Variants in AQP1 observed in about 807,000 individuals in gnomAD.
AQP1 encodes aquaporin-1.
A neutral mutation model predicts 19.7 loss-of-function variants in AQP1; 11 were observed. The ratio of observed to expected loss-of-function variants is 0.56; its 90% confidence interval spans 0.35 to 0.92. The LOEUF (loss-of-function observed/expected upper bound fraction) is 0.92. Ranked by LOEUF, AQP1 falls within the 40% of genes least tolerant of loss-of-function variation. The pLI is 0.01. For synonymous variants in AQP1, 159 were observed against 166.7 expected (o/e 0.95, Z 0.36); for missense variants, 320 against 369.7 (o/e 0.87, Z 1.10).
chr7:30,923,382 G>A lies in AQP1; in HGVS notation c.631-68G>A. On this transcript the variant is annotated intron_variant, in intron 3 of 3. Transcript: ENST00000311813. The surrounding 1 kb of genome is among the most constrained non-coding windows in gnomAD (Gnocchi z 4.8). ...GTCCAACGGGGTGGTGGGCTGTGGG[G>A]TAACCTAGGGAACGCTTCCCAGGGG... is the stretch of plus-strand genomic sequence containing the variant. 1 of 1,609,226 alleles carries A rather than the reference G, an allele frequency of 6.2e-7. No individual in the cohort carries two copies. The highest frequency in any genetic ancestry group is 8.5e-7 in the Non-Finnish European group (1 of 1,178,068).
Position 30,922,223 on chromosome 7 carries a change from T to A in AQP1, c.542T>A (p.Leu181His). The A allele has an allele frequency of 6.3e-7, 1 of 1,588,318 alleles. No homozygotes were observed. Among genetic ancestry groups the A allele is most frequent in the Non-Finnish European group, 8.5e-7 (1 of 1,171,026 alleles). The change falls in exon 2 of 4, where the codon CTC becomes CAC. Residue 181 changes from leucine to histidine, a missense_variant. Leu to His is a moderately conservative substitution (Grantham distance 99). Transcript: ENST00000311813. ...GGCCTCTCTGTAGCCCTTGGACACC[T>A]CCTGGCTGTGAGTCAGGGGCCCTCC... ...AIGLSVALGH[L>H]LAIDYTGCGI... is the part of the protein sequence containing the mutation.
chr7:30,916,844 TA>T (rs1391825306), intron 1 of AQP1, among the ~76,000 whole-genome samples: 2 of 151,946 alleles, frequency 1.3e-5, no homozygotes, highest in Non-Finnish European at 2.9e-5. Flanking sequence ...TCCCTGCCAT[TA>T]GGGGTGTGCA....
intron 1 of AQP1, chr7:30,921,233 G>C (rs914738635): frequency 1.2e-5 from 13 of 1,117,470 alleles, no homozygotes; most frequent in Non-Finnish European, 1.4e-5. Flanking sequence ...GGGGGCAGCT[G>C]CATGGGGAGG....
intron 2 of AQP1, 147 bp from the exon 3 acceptor site, chr7:30,922,417 G>C (rs1195473663): frequency 7.8e-7 from 1 of 1,280,670 alleles, no homozygotes; most frequent in African/African-American, 1.5e-5. Flanking sequence ...CTCCTGCCCA[G>C]CTTGGGGTCA....
rs1308448195 is a variant in AQP1 at position 30,923,942 on chromosome 7, G to A, written c.*313G>A. 4 of 1,427,460 alleles carry A rather than the reference G, an allele frequency of 2.8e-6. No individual in the cohort carries two copies. The highest frequency in any genetic ancestry group is 7.0e-5 in the East Asian group (2 of 28,506). The allele number at this position is 1,427,460 out of a possible 1,614,324, so 88.4% of individuals were successfully genotyped here. The stretch of plus-strand genomic sequence containing the variant: ...TCAGAGCATGATGGGAGGTGTGCCA[G>A]AAAGTCCCCCCTCGCCCCAAAGTTG... On this transcript the variant is annotated 3_prime_UTR_variant, in exon 4 of 4. Transcript: ENST00000311813. The surrounding 1 kb of genome is among the most constrained non-coding windows in gnomAD (Gnocchi z 4.8).
In AQP1 at chr7:30,912,876, T is replaced by A. The variant is rs1182816753; in HGVS notation, c.384+583T>A. On this transcript the variant is annotated intron_variant, in intron 1 of 3. Coordinates refer to ENST00000311813, the MANE Select transcript of AQP1 (RefSeq NM_198098.4). The surrounding 1 kb of genome is among the most constrained non-coding windows in gnomAD (Gnocchi z 4.3). ...GACAAAGATAAGGGAGTGAAAACAC[T>A]CTCTGGGGCTGTTTGAAGGCAGTTT... Among the ~76,000 whole-genome samples the A allele has an allele frequency of 6.6e-6, 1 of 152,086 alleles. No homozygotes were observed. Among genetic ancestry groups the A allele is most frequent in the Non-Finnish European group, 1.5e-5 (1 of 68,014 alleles).
intron 1 of AQP1, among the ~76,000 whole-genome samples, chr7:30,916,215 T>G (rs1489233911): frequency 6.6e-6 from 1 of 152,202 alleles, no homozygotes; most frequent in Non-Finnish European, 1.5e-5. Context: ...GATACCTGTC[T>G]GAGGGGCTCA....
In AQP1 at chr7:30,923,722, A is replaced by C; in HGVS notation, c.*93A>C. The C allele has an allele frequency of 6.6e-7, 1 of 1,504,666 alleles. No homozygotes were observed. The highest frequency in any genetic ancestry group is 8.9e-7 in the Non-Finnish European group (1 of 1,122,842). The allele number at this position is 1,504,666 out of a possible 1,614,324, so 93.2% of individuals were successfully genotyped here. On this transcript the variant is annotated 3_prime_UTR_variant, in exon 4 of 4. Transcript: ENST00000311813. The surrounding 1 kb of genome is among the most constrained non-coding windows in gnomAD (Gnocchi z 4.8). ...AAATCCATACTGTAGACACTCTGAC[A>C]AGCTGGCCAAAGTCACTTCCCCAAG...
Position 30,923,625 on chromosome 7 carries a change from A to G in AQP1, c.806A>G (p.Lys269Arg). The change falls in exon 4 of 4, where the codon AAA becomes AGA. Residue 269 changes from lysine (K) to arginine (R), a missense_variant. Lys to Arg is a conservative substitution (Grantham distance 26, BLOSUM62 2). Coordinates refer to ENST00000311813, the MANE Select transcript of AQP1 (RefSeq NM_198098.4). The surrounding 1 kb of genome is among the most constrained non-coding windows in gnomAD (Gnocchi z 4.8). Reference protein sequence around the residue: ...DINSRVEMKPK With the variant: ...DINSRVEMKPR Reference sequence around the variant, plus strand: ...AACTCCAGGGTGGAGATGAAGCCCAAATAGAAGGGGTCTGGCCCGGGCATC... The same window carrying G: ...AACTCCAGGGTGGAGATGAAGCCCAGATAGAAGGGGTCTGGCCCGGGCATC... 1 of 1,608,946 alleles carries G rather than the reference A, an allele frequency of 6.2e-7. No homozygotes were observed. Among genetic ancestry groups the G allele is most frequent in the Non-Finnish European group, 8.5e-7 (1 of 1,178,468 alleles).
At position 30,912,212 on chromosome 7, in the gene AQP1, G is replaced by C; in HGVS notation, c.303G>C (p.Gln101His). ...GTGCCCTCATGTACATCATCGCCCA[G>C]TGCGTGGGGGCCATCGTCGCCACCG... is the stretch of plus-strand genomic sequence containing the variant. ...IFRALMYIIA[Q>H]CVGAIVATAI... is the part of the protein sequence containing the mutation. The change falls in exon 1 of 4, where the codon CAG becomes CAC. Residue 101 changes from glutamine (Q) to histidine (H), a missense_variant. Gln to His is a conservative substitution (Grantham distance 24). Transcript: ENST00000311813. The surrounding 1 kb of genome is among the most constrained non-coding windows in gnomAD (Gnocchi z 4.3). 1 of 1,611,300 alleles carries C rather than the reference G, an allele frequency of 6.2e-7. No individual in the cohort carries two copies. Among genetic ancestry groups the C allele is most frequent in the Non-Finnish European group, 8.5e-7 (1 of 1,180,014 alleles).
intron 1 of AQP1, among the ~76,000 whole-genome samples, chr7:30,915,927 C>T (rs1057145895): frequency 6.6e-6 from 1 of 152,238 alleles, no homozygotes; most frequent in East Asian, 1.9e-4. Context: ...CCAGCCCGTC[C>T]TGCCCAGGGA....
In AQP1 at chr7:30,912,683, C is replaced by T. The variant is rs1398259060; in HGVS notation, c.384+390C>T. On this transcript the variant is annotated intron_variant, in intron 1 of 3. Transcript: ENST00000311813. This position sits in a 1 kb window ranked among gnomAD's most constrained non-coding sequence, Gnocchi z 4.3. ...CTGCACCCTGGGGAAACTTTGCCCG[C>T]TGTCCCCAGCCACCCTGAACCAAAT... Among the ~76,000 whole-genome samples the T allele has an allele frequency of 6.6e-6, 1 of 152,242 alleles. No individual in the cohort carries two copies. The highest frequency in any genetic ancestry group is 2.4e-5 in the African/African-American group (1 of 41,466).
Position 30,922,174 on chromosome 7 carries a change from G to A in AQP1, c.493G>A (p.Gly165Ser). The A allele has an allele frequency of 6.2e-7, 1 of 1,613,020 alleles. No homozygotes were observed. The highest frequency in any genetic ancestry group is 8.5e-7 in the Non-Finnish European group (1 of 1,180,010). Reference sequence around the variant, plus strand: ...TACCGACCGGAGGCGCCGTGACCTTGGTGGCTCAGCCCCCCTTGCCATCGG... The same window carrying A: ...TACCGACCGGAGGCGCCGTGACCTTAGTGGCTCAGCCCCCCTTGCCATCGG... ...ATTDRRRRDL[G>S]GSAPLAIGLS... Residue 165 changes from glycine (G) to serine (S), a missense_variant, in exon 2 of 4, where the codon GGT (glycine) becomes AGT (serine). Coordinates refer to ENST00000311813, the MANE Select transcript of AQP1 (RefSeq NM_198098.4).
At chr7:30,918,883 G>A (rs539384922) in intron 1 of AQP1, among the ~76,000 whole-genome samples, 1 of 152,362 alleles carries the variant, frequency 6.6e-6, no homozygotes, top group South Asian at 2.1e-4. Flanking sequence ...CCATTGACCT[G>A]TGAGTGTAGG....
intron 2 of AQP1, 125 bp from the exon 3 acceptor site, chr7:30,922,439 T>C: frequency 7.7e-7 from 1 of 1,290,692 alleles, no homozygotes; most frequent in Non-Finnish European, 1.1e-6. Context: ...CACTCCTCTT[T>C]CCCTGGGTCT....
chr7:30,917,699 C>T (rs549410742), intron 1 of AQP1, among the ~76,000 whole-genome samples: 11 of 152,286 alleles, frequency 7.2e-5, no homozygotes, highest in African/African-American at 2.6e-4. Context: ...TGGTCAGTAC[C>T]TCATCAGTTG....
chr7:30,915,186 G>T (rs990694940), intron 1 of AQP1, among the ~76,000 whole-genome samples: 2 of 152,116 alleles, frequency 1.3e-5, no homozygotes, highest in African/African-American at 4.8e-5. Flanking sequence ...CTGCTGTCTG[G>T]TCTGCTCAGC....
At chr7:30,920,746 A>G (rs1562579584) in intron 1 of AQP1, among the ~76,000 whole-genome samples, 1 of 152,224 alleles carries the variant, frequency 6.6e-6, no homozygotes, top group East Asian at 1.9e-4. Context: ...TGGGACAGAA[A>G]GGGAACTGGG....
chr7:30,921,398 A>T, intron 1 of AQP1: 1 of 1,413,410 alleles, frequency 7.1e-7, no homozygotes, highest in Non-Finnish European at 9.2e-7. Flanking sequence ...GTGGGGAGGA[A>T]GAAGAGAGAA....
Sources: allele counts gnomAD v4.1 joint callset (sites outside exome capture counted in the v4.1 genomes callset), GRCh38; gene constraint gnomAD v4.1.1; non-coding constraint Gnocchi (gnomAD v3.1); transcripts MANE v1.5; gene names NCBI Gene and HGNC (gene_info 2026-07-23, HGNC 2026-07-21).